The following DLG2 variants were observed in gnomAD, a reference collection of about 807,000 sequenced individuals.
DLG2 encodes the protein disks large homolog 2.
In DLG2, 45 loss-of-function variants were observed where a neutral mutation model predicts 132.5. That is an observed-to-expected ratio of 0.34 (90% CI 0.27 to 0.44). The LOEUF is 0.44. Among genes scored for constraint, DLG2 ranks in the 20% least tolerant of loss-of-function variants. The pLI is 1.00. For missense variants in DLG2, 1,045 were observed against 1,196.9 expected (o/e 0.87, Z 1.87); for synonymous variants, 424 against 419.6 (o/e 1.01, Z -0.13).
intron 3 of DLG2, among the ~76,000 whole-genome samples, chr11:85,499,298 T>C (rs1180679964): frequency 6.6e-6 from 1 of 151,882 alleles, no homozygotes; most frequent in Non-Finnish European, 1.5e-5. Context: ...CAAACTACCA[T>C]CAGAGAATAC....
At chr11:85,335,916 C>T (rs2082094363) in intron 3 of DLG2, among the ~76,000 whole-genome samples, 1 of 152,090 alleles carries the variant, frequency 6.6e-6, no homozygotes, top group African/African-American at 2.4e-5. Context: ...GCATGTTCTG[C>T]ACATGTACCC....
At chr11:85,474,447 A>G (rs1192049680) in intron 3 of DLG2, among the ~76,000 whole-genome samples, 1 of 151,962 alleles carries the variant, frequency 6.6e-6, no homozygotes, top group African/African-American at 2.4e-5. Context: ...ATATATTTCC[A>G]TTAGTAATTA....
At chr11:83,623,664 C>T (rs1405920488) in intron 19 of DLG2, among the ~76,000 whole-genome samples, 2 of 152,230 alleles carry the variant, frequency 1.3e-5, no homozygotes, top group African/African-American at 4.8e-5. Context: ...TAATCATCAT[C>T]TTTAACTGCT....
intron 4 of DLG2, among the ~76,000 whole-genome samples, chr11:85,234,044 ACTGTG>A (rs1218937294): frequency 2.0e-5 from 3 of 151,854 alleles, no homozygotes; most frequent in African/African-American, 7.2e-5. Flanking sequence ...TGTGCCATCC[ACTGTG>A]CTGGGTAATG....
At chr11:83,787,238 G>A (rs1193504554) in intron 17 of DLG2, among the ~76,000 whole-genome samples, 1 of 151,456 alleles carries the variant, frequency 6.6e-6, no homozygotes, top group Non-Finnish European at 1.5e-5. Flanking sequence ...GGGGCCAGAT[G>A]GTTGCCAAAT....
intron 4 of DLG2, among the ~76,000 whole-genome samples, chr11:85,205,146 GTATA>G (rs376041155): frequency 1.3e-4 from 18 of 141,686 alleles, no homozygotes; most frequent in Admixed American, 1.0e-3. Context: ...ATATGTGTGT[GTATA>G]TATATATATA....
chr11:85,002,965 G>T (rs2058342336), intron 6 of DLG2, among the ~76,000 whole-genome samples: 1 of 151,658 alleles, frequency 6.6e-6, no homozygotes, highest in Non-Finnish European at 1.5e-5. Context: ...TAAGAATATG[G>T]TATATGATAT....
chr11:84,998,548 G>T (rs1940133), intron 6 of DLG2, among the ~76,000 whole-genome samples: 107,235 of 151,772 alleles, frequency 0.71, 38,890 homozygotes, highest in East Asian at 0.92. Flanking sequence ...ATCTCTGAAT[G>T]TATCTTTAGA....
intron 4 of DLG2, among the ~76,000 whole-genome samples, chr11:85,226,555 A>T (rs2152628692): frequency 6.6e-6 from 1 of 152,296 alleles, no homozygotes; most frequent in Admixed American, 6.5e-5. Context: ...CCTGTCTTTA[A>T]AAAAGAAAAG....
At chr11:85,419,285 G>C (rs1230121484) in intron 3 of DLG2, among the ~76,000 whole-genome samples, 1 of 152,190 alleles carries the variant, frequency 6.6e-6, no homozygotes. Flanking sequence ...TTTCTTAAGA[G>C]AGATCTGATG....
intron 10 of DLG2, among the ~76,000 whole-genome samples, chr11:84,060,751 A>G (rs184112280): frequency 2.2e-4 from 33 of 152,204 alleles, no homozygotes; most frequent in Non-Finnish European, 4.3e-4. Flanking sequence ...AGTGTCCCCA[A>G]TCTCAGATCA....
intron 16 of DLG2, among the ~76,000 whole-genome samples, chr11:83,858,458 C>T (rs7118037): frequency 6.6e-6 from 1 of 152,154 alleles, no homozygotes; most frequent in Non-Finnish European, 1.5e-5. Context: ...CTCTCATTAT[C>T]CTCCAGATAA....
intron 7 of DLG2, among the ~76,000 whole-genome samples, chr11:84,436,009 C>T (rs1268488163): frequency 1.3e-5 from 2 of 152,036 alleles, no homozygotes; most frequent in Non-Finnish European, 2.9e-5. Flanking sequence ...AATAAAAGAC[C>T]CACTTACAAG....
chr11:84,943,476 CTTTTA>C (rs1460705281), intron 6 of DLG2, among the ~76,000 whole-genome samples: 3 of 151,642 alleles, frequency 2.0e-5, no homozygotes, highest in Admixed American at 6.6e-5. Context: ...TAATTTCTTT[CTTTTA>C]TATTTTGTGT....
intron 18 of DLG2, among the ~76,000 whole-genome samples, chr11:83,665,593 G>A (rs1030955699): frequency 2.6e-5 from 4 of 152,166 alleles, no homozygotes; most frequent in African/African-American, 7.2e-5. Context: ...AAGAGAGATC[G>A]GAGAGAATTT....
chr11:84,678,747 TAGA>T (rs1488341219), intron 6 of DLG2, among the ~76,000 whole-genome samples: 2 of 152,104 alleles, frequency 1.3e-5, no homozygotes, highest in African/African-American at 4.8e-5. Context: ...GTATGTGTGG[TAGA>T]AGAAGGTAGT....
At chr11:85,276,901 T>C (rs2077924348) in intron 4 of DLG2, among the ~76,000 whole-genome samples, 1 of 152,176 alleles carries the variant, frequency 6.6e-6, no homozygotes, top group Admixed American at 6.5e-5. Context: ...GAGCAAGTCA[T>C]TTAAATGCAA....
intron 16 of DLG2, among the ~76,000 whole-genome samples, chr11:83,872,802 G>A (rs796593107): frequency 4.6e-5 from 7 of 152,258 alleles, no homozygotes; most frequent in African/African-American, 1.7e-4. Context: ...TGAAATGATA[G>A]CCACCCTGAG....
intron 6 of DLG2, among the ~76,000 whole-genome samples, chr11:85,045,014 A>C (rs938438336): frequency 6.6e-6 from 1 of 152,044 alleles, no homozygotes; most frequent in Non-Finnish European, 1.5e-5. Context: ...AGCTGGAAAT[A>C]GGAAAGTAGG....
Sources: gnomAD v4.1 joint callset for allele counts (sites outside exome capture counted in the v4.1 genomes callset) on GRCh38, gnomAD v4.1.1 for gene constraint, MANE v1.5 for transcripts, NCBI Gene and HGNC (gene_info 2026-07-23, HGNC 2026-07-21) for gene names.